Variants in COL3A1 observed in about 807,000 individuals in gnomAD.
COL3A1 encodes the protein collagen type III alpha 1 chain, also known as collagen alpha-1(III) chain.
COL3A1 carries 46 observed loss-of-function variants against 200.9 expected under a neutral mutation model. The ratio of observed to expected loss-of-function variants is 0.23; its 90% confidence interval spans 0.18 to 0.29. The LOEUF (loss-of-function observed/expected upper bound fraction) is 0.29, where lower values mean the gene tolerates loss of function less well. Among genes scored for constraint, COL3A1 ranks in the 10% least tolerant of loss-of-function variants. COL3A1 has a pLI of 1.00. For missense variants in COL3A1, 1,367 were observed against 1,917.6 expected, an observed-to-expected ratio of 0.71 and a Z score of 5.36; for synonymous variants, 650 against 628.0, an observed-to-expected ratio of 1.03 and a Z score of -0.52.
In COL3A1 at chr2:188,975,437, A is replaced by C. The variant is rs193084846; in HGVS notation, c.79+869A>C. Among the ~76,000 whole-genome samples the C allele has an allele frequency of 3.0e-3, 451 of 152,314 alleles. 2 individuals carry two copies. The highest frequency in any genetic ancestry group is 4.7e-3 in the Non-Finnish European group (320 of 68,004). On this transcript the variant is annotated intron_variant, in intron 1 of 50. Coordinates refer to ENST00000304636, the MANE Select transcript of COL3A1 (RefSeq NM_000090.4). Reference sequence around the variant, plus strand: ...TTTGTCTCATTATTTATGTGAAAATATTCTTTTATTTACCATAGTCATGAA... The same window carrying C: ...TTTGTCTCATTATTTATGTGAAAATCTTCTTTTATTTACCATAGTCATGAA...
intron 1 of COL3A1, among the ~76,000 whole-genome samples, chr2:188,981,910 CAG>C (rs1687961686): frequency 6.6e-6 from 1 of 151,470 alleles, no homozygotes; most frequent in Non-Finnish European, 1.5e-5. Flanking sequence ...GGTAGAAAAA[CAG>C]AGAAAGGGCT....
intron 32 of COL3A1, among the ~76,000 whole-genome samples, chr2:189,000,814 A>G (rs956156156): frequency 2.8e-4 from 43 of 152,204 alleles, no homozygotes; most frequent in African/African-American, 9.6e-4. Flanking sequence ...AGTCAAAAAC[A>G]AAACAAAAAA....
rs1186833685 is a variant in COL3A1 at position 189,006,831 on chromosome 2, A to G, written c.3202-106A>G. The G allele has an allele frequency of 2.6e-6, 3 of 1,143,250 alleles. No homozygotes were observed. In the South Asian group the frequency reaches 3.9e-5, roughly 15 times the overall value. 70.8% of individuals were successfully genotyped at this position (1,143,250 alleles called of 1,614,324 possible). A position where few individuals can be genotyped will look rare whatever the true frequency, so the allele number is the denominator to read the frequency against. ...ATTAACTTCCAATAATTGCATGCAT[A>G]CTATAATTCTATTATAATGAAATTA... On this transcript the variant is annotated intron_variant, in intron 43 of 50. Coordinates refer to ENST00000304636, the MANE Select transcript of COL3A1 (RefSeq NM_000090.4).
intron 10 of COL3A1, 71 bp downstream of exon 10, chr2:188,990,431 T>C: frequency 8.5e-7 from 1 of 1,171,548 alleles, no homozygotes; most frequent in East Asian, 2.4e-5. Context: ...CCAATTTTAC[T>C]GGACAATTAT....
rs772763317 is a variant in COL3A1, at chr2:188,997,696, C to T, written c.1870-4C>T. On this transcript the variant is annotated splice_region_variant and splice_polypyrimidine_tract_variant and intron_variant, in intron 26 of 50. Transcript: ENST00000304636. ...CAACAGAGTGTATCATTATACTTTTCTAGGGGCCTGGTGGTGACAAAGGAG... is the reference window on the plus strand; with the variant it reads ...CAACAGAGTGTATCATTATACTTTTTTAGGGGCCTGGTGGTGACAAAGGAG... 6.2e-7 allele frequency: 1 copy of T among 1,613,328 alleles called. No individual in the cohort carries two copies. The highest frequency in any genetic ancestry group is 1.1e-5 in the South Asian group (1 of 91,044).
chr2:189,002,282 A>C lies in COL3A1; in HGVS notation c.2392-16A>C, dbSNP rs2153503297. Reference sequence around the variant, plus strand: ...GCACACTTCACTGTGACTAAGGAGGATATTTTTCTCTTCAGGGTGAGAGAG... The same window carrying C: ...GCACACTTCACTGTGACTAAGGAGGCTATTTTTCTCTTCAGGGTGAGAGAG... On this transcript the variant is annotated splice_polypyrimidine_tract_variant and intron_variant, in intron 34 of 50. Transcript: ENST00000304636. The C allele has an allele frequency of 1.2e-6, 2 of 1,610,650 alleles. No individual in the cohort carries two copies. The highest frequency in any genetic ancestry group is 2.2e-5 in the South Asian group (2 of 91,012).
chr2:188,993,534 C>A (rs2153502305), intron 16 of COL3A1, 75 bp downstream of exon 16: 1 of 1,219,654 alleles, frequency 8.2e-7, no homozygotes, highest in Non-Finnish European at 1.2e-6. Flanking sequence ...ATGCTTACTC[C>A]ATGAAAGCAT....
At chr2:188,996,968 G>A (rs1394809126) in intron 24 of COL3A1, among the ~76,000 whole-genome samples, 197 bp from the exon 25 acceptor site, 4 of 151,280 alleles carry the variant, frequency 2.6e-5, no homozygotes, top group Non-Finnish European at 5.9e-5. Flanking sequence ...CAGCCTGGGC[G>A]ACAGAGCAAG....
chr2:188,977,789 G>T lies in COL3A1; in HGVS notation c.79+3221G>T, dbSNP rs182329911. ...GGAGATACTAAAAAAATTATATATCGTCCTAGAAAGTACATGAACTAATAA... is the reference window on the plus strand; with the variant it reads ...GGAGATACTAAAAAAATTATATATCTTCCTAGAAAGTACATGAACTAATAA... On this transcript the variant is annotated intron_variant, in intron 1 of 50. Coordinates refer to ENST00000304636, the MANE Select transcript of COL3A1 (RefSeq NM_000090.4). Among the ~76,000 whole-genome samples, 247 of 152,000 alleles carry T rather than the reference G, an allele frequency of 1.6e-3. 1 individual carries two copies. The highest frequency in any genetic ancestry group is 5.4e-3 in the African/African-American group (226 of 41,486).
At chr2:188,981,329 ATTGAGTTTAATACATTGC>A (rs1687948338) in intron 1 of COL3A1, among the ~76,000 whole-genome samples, 1 of 151,510 alleles carries the variant, frequency 6.6e-6, no homozygotes, top group Admixed American at 6.6e-5. Context: ...CAAGGAGATG[ATTGAGTTTAATACATTGC>A]TTGTGTGATC....
rs73981463 is a variant in COL3A1 at position 188,998,091 on chromosome 2, G to C, written c.1924-175G>C. 0.011 allele frequency among the ~76,000 whole-genome samples: 1,650 copies of C among 152,310 alleles called. 36 individuals are homozygous for C. Among genetic ancestry groups the C allele is most frequent in the African/African-American group, 0.038 (1,568 of 41,552 alleles). ...AACAGAGAGAGATGAAAATGGGTTT[G>C]TAAAATATGATTATCACGTATGTGT... is the stretch of plus-strand genomic sequence containing the variant. On this transcript the variant is annotated intron_variant, in intron 27 of 50. Coordinates refer to ENST00000304636, the MANE Select transcript of COL3A1 (RefSeq NM_000090.4).
At chr2:189,006,697 T>A (rs1688592226) in intron 43 of COL3A1, among the ~76,000 whole-genome samples, 1 of 152,196 alleles carries the variant, frequency 6.6e-6, no homozygotes. Context: ...ACTATCTATA[T>A]GCTGGGTAAA....
At chr2:189,005,594 C>A (rs1170739877) in intron 41 of COL3A1, 137 bp downstream of exon 41, 2 of 743,206 alleles carry the variant, frequency 2.7e-6, no homozygotes, top group Non-Finnish European at 2.4e-6. Flanking sequence ...AACAGAAATT[C>A]TTTCATTACA....
intron 34 of COL3A1, among the ~76,000 whole-genome samples, chr2:189,001,900 CCTT>C (rs1688474365): frequency 6.6e-6 from 1 of 152,044 alleles, no homozygotes. Context: ...GCCTGAGACT[CCTT>C]CTAGATTTAA....
At chr2:189,010,423 C>A in intron 49 of COL3A1, 58 bp downstream of exon 49, 1 of 1,591,650 alleles carries the variant, frequency 6.3e-7, no homozygotes, top group Non-Finnish European at 8.6e-7. Context: ...TGTATTCTTC[C>A]TATATGTTCA....
chr2:189,004,085 C>T lies in COL3A1; in HGVS notation c.2765C>T (p.Pro922Leu). Residue 922 changes from proline (P) to leucine (L), a missense_variant, in exon 39 of 51, where the codon CCA (proline) becomes CTA (leucine). Physicochemically the swap from Pro to Leu is moderately conservative, Grantham distance 98 (BLOSUM62 -3). Around this residue, in one of 5 missense-constraint regions of COL3A1, gnomAD observed 846 missense variants for 1,147.9 expected, o/e 0.74. Coordinates refer to ENST00000304636, the MANE Select transcript of COL3A1 (RefSeq NM_000090.4). ...CCTGGCAGCCCTGGAGTGTCTGGACCAAAAGGTGATGCTGGCCAACCAGGA... is the reference window on the plus strand; with the variant it reads ...CCTGGCAGCCCTGGAGTGTCTGGACTAAAAGGTGATGCTGGCCAACCAGGA... ...GAPGSPGVSG[P>L]KGDAGQPGEK... The T allele has an allele frequency of 6.2e-7, 1 of 1,613,588 alleles. No individual in the cohort carries two copies. Among genetic ancestry groups the T allele is most frequent in the Non-Finnish European group, 8.5e-7 (1 of 1,179,998 alleles).
rs1324672067 is a variant in COL3A1 at position 189,010,683 on chromosome 2, C to G, written c.4047C>G (p.Val1349=). ...GCAATCCTGAACTTCCTGAAGATGT[C>G]CTTGATGTGCATCTGGCATTCCTTC... ...SYGNPELPED[V]LDVHLAFLRL... The change falls in exon 50 of 51, where the codon GTC becomes GTG. Residue 1349 remains valine, a synonymous_variant. Coordinates refer to ENST00000304636, the MANE Select transcript of COL3A1 (RefSeq NM_000090.4). 2 of 1,614,112 alleles carry G rather than the reference C, an allele frequency of 1.2e-6. No homozygotes were observed. Among genetic ancestry groups the G allele is most frequent in the South Asian group, 2.2e-5 (2 of 91,076 alleles).
Position 188,990,126 on chromosome 2 carries a change from G to C in COL3A1, c.721G>C (p.Glu241Gln). ...GESGRPGRPG[E>Q]RGLPGPPGIK... ...ATCAGGTAGACCCGGACGACCTGGA[G>C]AGCGAGGATTGCCTGGACCTCCAGT... The change falls in exon 9 of 51, where the codon GAG becomes CAG. Residue 241 changes from glutamate to glutamine, a missense_variant. This residue lies in a region of COL3A1 where 462 missense variants were observed against 681.4 expected (regional missense o/e 0.68). Coordinates refer to ENST00000304636, the MANE Select transcript of COL3A1 (RefSeq NM_000090.4). The C allele has an allele frequency of 6.2e-7, 1 of 1,613,720 alleles. No individual in the cohort carries two copies.
At chr2:189,008,821 A>C in intron 47 of COL3A1, 103 bp from the exon 48 acceptor site, 1 of 1,266,836 alleles carries the variant, frequency 7.9e-7, no homozygotes, top group Non-Finnish European at 1.1e-6. Context: ...CTGATGACAC[A>C]ATGAATGAAT....
Sources: gnomAD v4.1 joint callset for allele counts (sites outside exome capture counted in the v4.1 genomes callset) on GRCh38, gnomAD v4.1.1 for gene constraint, gnomAD v4.1.1 regional missense constraint, MANE v1.5 for transcripts, NCBI Gene and HGNC (gene_info 2026-07-23, HGNC 2026-07-21) for gene names.